The following CTSF variants were observed in gnomAD, a reference collection of about 807,000 sequenced individuals.
CTSF encodes cathepsin F.
Under a neutral mutation model 63.5 loss-of-function variants are expected in CTSF, and 65 were observed. The ratio of observed to expected loss-of-function variants is 1.02; its 90% CI spans 0.84 to 1.26. The LOEUF (loss-of-function observed/expected upper bound fraction) is 1.26, where lower values mean the gene tolerates loss of function less well. Among genes scored for constraint, CTSF ranks in the 50% most tolerant of loss-of-function variants. The pLI is 0.00. For missense variants in CTSF, 641 were observed against 631.0 expected, an observed-to-expected ratio of 1.02 and a Z score of -0.17; for synonymous variants, 256 against 258.1, an observed-to-expected ratio of 0.99 and a Z score of 0.08.
Position 66,567,389 on chromosome 11 carries a change from T to C in CTSF, c.531+55A>G, listed in dbSNP as rs1590816797. The C allele has an allele frequency of 3.7e-6, 6 of 1,613,204 alleles. No individual in the cohort carries two copies. In the East Asian group the frequency reaches 1.3e-4, roughly 36 times the overall value. ...CTCCAGAGGGAAGGGAGAAGGGTGA[T>C]GAGGCAGCGGCTGGCTCCTCAAGCT... On this transcript the variant is annotated intron_variant, in intron 3 of 12. Transcript: ENST00000310325.
At chr11:66,567,219 C>G (rs1187120304) in intron 4 of CTSF, 27 bp downstream of exon 4, 3 of 1,612,874 alleles carry the variant, frequency 1.9e-6, no homozygotes, top group African/African-American at 1.3e-5. Context: ...CTGATAGGAA[C>G]AGGTACAGCC....
rs1275088160 is a variant in CTSF, at chr11:66,567,444, C to G, written c.531G>C (p.Gln177His). Reference protein sequence around the residue: ...ISLLNEDPLSQDLPVKMASIF... With the variant: ...ISLLNEDPLSHDLPVKMASIF... ...GCTCCTCAAGCTGAGGGCTCCTCAC[C>G]TGGGACAGGGGATCCTCATTCAACA... is the stretch of plus-strand genomic sequence containing the variant. Residue 177 changes from glutamine to histidine, a missense_variant and splice_region_variant, in exon 3 of 13, where the codon CAG (glutamine) becomes CAC (histidine). By Grantham distance (24) the Gln-to-His change is conservative. Transcript: ENST00000310325. The G allele has an allele frequency of 6.2e-7, 1 of 1,613,656 alleles. No homozygotes were observed. Among genetic ancestry groups the G allele is most frequent in the Non-Finnish European group, 8.5e-7 (1 of 1,179,804 alleles).
intron 8 of CTSF, 92 bp from the exon 9 acceptor site, chr11:66,565,098 A>C: frequency 6.7e-7 from 1 of 1,496,300 alleles, no homozygotes; most frequent in Non-Finnish European, 8.9e-7. Context: ...GAGGTTTCAC[A>C]TTCCTCGTCC....
Position 66,568,543 on chromosome 11 carries a change from A to C in CTSF, c.-57T>G. On this transcript the variant is annotated 5_prime_UTR_variant, in exon 1 of 13. Transcript: ENST00000310325. ...CAGACGCTCCACCGACCCACCGGGTACCGAGCCCGCGGCCAGCGGGGCCTG... is the reference window on the plus strand; with the variant it reads ...CAGACGCTCCACCGACCCACCGGGTCCCGAGCCCGCGGCCAGCGGGGCCTG... 2.7e-6 allele frequency: 4 copies of C among 1,462,286 alleles called. No individual in the cohort carries two copies. The highest frequency in any genetic ancestry group is 1.5e-5 in the African/African-American group (1 of 67,400). 90.6% of individuals were successfully genotyped at this position (1,462,286 alleles called of 1,614,324 possible).
chr11:66,568,545 C>A lies in CTSF; in HGVS notation c.-59G>T, dbSNP rs976073100. The A allele has an allele frequency of 5.5e-6, 8 of 1,461,752 alleles. No homozygotes were observed. The highest frequency in any genetic ancestry group is 2.5e-5 in the Admixed American group (1 of 39,938). 90.5% of individuals were successfully genotyped at this position (1,461,752 alleles called of 1,614,324 possible). A position where few individuals can be genotyped will look rare whatever the true frequency, so the allele number is the denominator to read the frequency against. ...GACGCTCCACCGACCCACCGGGTAC[C>A]GAGCCCGCGGCCAGCGGGGCCTGAG... On this transcript the variant is annotated 5_prime_UTR_variant, in exon 1 of 13. Transcript: ENST00000310325.
rs1857987435 is a variant in CTSF, at chr11:66,568,472, C to A, written c.15G>T (p.Leu5=). The part of the protein sequence containing the change: MAPW[L]QLLSLLGLLP... ...GCAGCCCCAGCAGCGACAGGAGCTGCAGCCAGGGCGCCATGGCGAGGGCGA... is the reference window on the plus strand; with the variant it reads ...GCAGCCCCAGCAGCGACAGGAGCTGAAGCCAGGGCGCCATGGCGAGGGCGA... Residue 5 remains leucine (L), a synonymous_variant, in exon 1 of 13, where the codon CTG becomes CTT. Coordinates refer to ENST00000310325, the MANE Select transcript of CTSF (RefSeq NM_003793.4). 11 of 1,472,564 alleles carry A rather than the reference C, an allele frequency of 7.5e-6. No individual in the cohort carries two copies. The highest frequency in any genetic ancestry group is 9.8e-6 in the Non-Finnish European group (11 of 1,119,754). 91.2% of individuals were successfully genotyped at this position (1,472,564 alleles called of 1,614,324 possible).
At chr11:66,567,848 C>T in intron 2 of CTSF, 136 bp downstream of exon 2, 1 of 1,382,336 alleles carries the variant, frequency 7.2e-7, no homozygotes, top group Non-Finnish European at 9.8e-7. Context: ...TGGTTTCCAG[C>T]CCTCGGGGCC....
chr11:66,567,918 C>A lies in CTSF; in HGVS notation c.312+66G>T, dbSNP rs143186834. On this transcript the variant is annotated intron_variant, in intron 2 of 12. Transcript: ENST00000310325. Reference sequence around the variant, plus strand: ...CAGATCCCTGCGTCTTGACCTGACCCGTCATCATCCAACTGCTGCTTTACT... The same window carrying A: ...CAGATCCCTGCGTCTTGACCTGACCAGTCATCATCCAACTGCTGCTTTACT... 2.0e-6 allele frequency: 3 copies of A among 1,523,026 alleles called. No homozygotes were observed. In the African/African-American group the frequency reaches 4.2e-5, roughly 21 times the overall value. 94.3% of individuals were successfully genotyped at this position (1,523,026 alleles called of 1,614,324 possible).
In CTSF at chr11:66,567,295, G is replaced by A; in HGVS notation, c.558C>T (p.Ile186=). The A allele has an allele frequency of 6.2e-7, 1 of 1,614,212 alleles. No individual in the cohort carries two copies. The highest frequency in any genetic ancestry group is 8.5e-7 in the Non-Finnish European group (1 of 1,180,042). ...TATAGGTAATGACAAAGTTCTTGAAGATTGAAGCCATCTTCACAGGCAAGT... is the reference window on the plus strand; with the variant it reads ...TATAGGTAATGACAAAGTTCTTGAAAATTGAAGCCATCTTCACAGGCAAGT... The part of the protein sequence containing the change: ...SQDLPVKMAS[I]FKNFVITYNR... The change falls in exon 4 of 13, where the codon ATC becomes ATT. Residue 186 remains isoleucine (I), a synonymous_variant. Coordinates refer to ENST00000310325, the MANE Select transcript of CTSF (RefSeq NM_003793.4).
In CTSF at chr11:66,566,303, T is replaced by C; in HGVS notation, c.709A>G (p.Ser237Gly). 1 of 1,614,178 alleles carries C rather than the reference T, an allele frequency of 6.2e-7. No individual in the cohort carries two copies. The highest frequency in any genetic ancestry group is 1.3e-5 in the African/African-American group (1 of 75,044). ...CCACTATCCCTACCTGTGAGATCAC[T>C]GAACTTGGTGACTCCATACTGAGCT... ...GTAQYGVTKF[S>G]DLTEEEFRTI... The change falls in exon 5 of 13, where the codon AGT becomes GGT. Residue 237 changes from serine (S) to glycine (G), a missense_variant. By Grantham distance (56) the Ser-to-Gly change is moderately conservative (BLOSUM62 0). Coordinates refer to ENST00000310325, the MANE Select transcript of CTSF (RefSeq NM_003793.4).
At chr11:66,567,958 G>A (rs767792667) in intron 2 of CTSF, 26 bp downstream of exon 2, 3 of 1,569,884 alleles carry the variant, frequency 1.9e-6, no homozygotes, top group East Asian at 2.3e-5. Context: ...CTCGGGGCGG[G>A]GAACCCCAAG....
At chr11:66,568,240 G>C (rs1358004952) in intron 1 of CTSF, 34 bp downstream of exon 1, 4 of 1,517,926 alleles carry the variant, frequency 2.6e-6, no homozygotes, top group Non-Finnish European at 2.6e-6. Context: ...CCTTGGACCC[G>C]GGCCTGGCGC....
At chr11:66,566,782 G>A (rs570676170) in intron 4 of CTSF, among the ~76,000 whole-genome samples, 87 of 151,486 alleles carry the variant, frequency 5.7e-4, no homozygotes, top group Non-Finnish European at 9.9e-4. Flanking sequence ...GGAGTGCAGT[G>A]GCACAATCTT....
At position 66,566,038 on chromosome 11, in the gene CTSF, G is replaced by T. The variant is rs1857922863; in HGVS notation, c.851C>A (p.Thr284Lys). 6.2e-7 allele frequency: 1 copy of T among 1,614,142 alleles called. No individual in the cohort carries two copies. The highest frequency in any genetic ancestry group is 8.5e-7 in the Non-Finnish European group (1 of 1,180,014). ...GGGTCCAACCTGGTCTTTGACTTTTGTGACAGCCCCCTTACTCCTCCAGTC... is the reference window on the plus strand; with the variant it reads ...GGGTCCAACCTGGTCTTTGACTTTTTTGACAGCCCCCTTACTCCTCCAGTC... ...EWDWRSKGAVTKVKDQGMCGS... is the reference protein window; with the variant it reads ...EWDWRSKGAVKKVKDQGMCGS... The change falls in exon 6 of 13, where the codon ACA (threonine) becomes AAA (lysine). Residue 284 changes from threonine to lysine, a missense_variant. Physicochemically the swap from Thr to Lys is moderately conservative, Grantham distance 78 (BLOSUM62 -1). Transcript: ENST00000310325.
At chr11:66,566,260 G>A (rs762399053) in intron 5 of CTSF, 31 bp downstream of exon 5, 1 of 1,613,938 alleles carries the variant, frequency 6.2e-7, no homozygotes, top group Admixed American at 1.7e-5. Flanking sequence ...TCTCTTCCTG[G>A]ATCCATGAGG....
rs530717881 is a variant in CTSF, at chr11:66,563,733, T to G, written c.*200A>C. 5 of 636,976 alleles carry G rather than the reference T, an allele frequency of 7.8e-6. No individual in the cohort carries two copies. The highest frequency in any genetic ancestry group is 1.4e-5 in the Non-Finnish European group (5 of 369,982). 39.5% of individuals were successfully genotyped at this position (636,976 alleles called of 1,614,324 possible). A position where few individuals can be genotyped will look rare whatever the true frequency, so the allele number is the denominator to read the frequency against. ...CTAAGCTACCACAATTCAACAAAGG[T>G]GCAGGTGCAGAACTTCAGGGTGGGA... On this transcript the variant is annotated 3_prime_UTR_variant, in exon 13 of 13. Transcript: ENST00000310325.
rs1324201595 is a variant in CTSF, at chr11:66,567,979, C to T, written c.312+5G>A. On this transcript the variant is annotated splice_donor_5th_base_variant and intron_variant, in intron 2 of 12. Coordinates refer to ENST00000310325, the MANE Select transcript of CTSF (RefSeq NM_003793.4). ...GCGGGGAACCCCAAGAGCCTCATCA[C>T]TCACCAGGGTTTTCTTGGACACGGG... 1.3e-6 allele frequency: 2 copies of T among 1,588,094 alleles called. No homozygotes were observed. Among genetic ancestry groups the T allele is most frequent in the African/African-American group, 1.4e-5 (1 of 73,246 alleles).
intron 8 of CTSF, 128 bp from the exon 9 acceptor site, chr11:66,565,134 TG>T: frequency 1.4e-6 from 2 of 1,428,086 alleles, no homozygotes; most frequent in Non-Finnish European, 1.9e-6. Context: ...CCATCCCCTC[TG>T]AAGAATGTCT....
chr11:66,566,789 T>G (rs1301596706), intron 4 of CTSF, among the ~76,000 whole-genome samples: 1 of 151,612 alleles, frequency 6.6e-6, no homozygotes, highest in African/African-American at 2.4e-5. Flanking sequence ...AGTGGCACAA[T>G]CTTTGCTCAC....
Sources: allele counts gnomAD v4.1 joint callset (sites outside exome capture counted in the v4.1 genomes callset), GRCh38; gene constraint gnomAD v4.1.1; transcripts MANE v1.5; gene names NCBI Gene and HGNC (gene_info 2026-07-23, HGNC 2026-07-21).